The following JAK1 variants were observed in gnomAD, a reference collection of about 807,000 sequenced individuals.
JAK1 encodes the protein tyrosine-protein kinase JAK1.
JAK1 carries 16 observed loss-of-function variants against 136.6 expected under a neutral mutation model. The ratio of observed to expected loss-of-function variants is 0.12; its 90% confidence interval spans 0.08 to 0.18. The LOEUF is 0.18. JAK1 is among the 10% of genes least tolerant of loss of function. The probability of loss-of-function intolerance (pLI) is 1.00; values close to 1 mark genes in which losing one functional copy is unlikely to be tolerated. For synonymous variants in JAK1, 492 were observed against 519.5 expected (o/e 0.95, Z 0.72); for missense variants, 859 against 1,450.1 (o/e 0.59, Z 6.62).
At chr1:64,939,108 T>C (rs1437109182) in intron 1 of JAK1, among the ~76,000 whole-genome samples, 1 of 152,238 alleles carries the variant, frequency 6.6e-6, no homozygotes, top group Non-Finnish European at 1.5e-5. Context: ...TTGGAGCAAC[T>C]GTTTGGAGAA....
intron 2 of JAK1, chr1:64,985,670 G>A (rs574241350): frequency 4.0e-5 from 29 of 723,310 alleles, no homozygotes; most frequent in Admixed American, 1.2e-4. Flanking sequence ...AGATGTCTCC[G>A]ATGTACGTGG....
chr1:65,058,899 C>T (rs7536540), intron 1 of JAK1, among the ~76,000 whole-genome samples: 2 of 151,900 alleles, frequency 1.3e-5, no homozygotes, highest in African/African-American at 2.4e-5. Context: ...GGAACTACTA[C>T]GTTCTAAAGC....
chr1:64,982,083 AACACACACACACACAC>A (rs5774736), intron 2 of JAK1, among the ~76,000 whole-genome samples: 1 of 150,434 alleles, frequency 6.6e-6, no homozygotes, highest in Non-Finnish European at 1.5e-5. Context: ...TAAGTTAAAT[AACACACACACACACAC>A]ACGCACACAC....
chr1:65,056,672 T>G (rs1647554810), intron 1 of JAK1, among the ~76,000 whole-genome samples: 1 of 152,048 alleles, frequency 6.6e-6, no homozygotes, highest in Non-Finnish European at 1.5e-5. Context: ...GCCTGTAATC[T>G]CAGCACTTTG....
At chr1:64,852,550 A>T (rs1460226281) in intron 11 of JAK1, among the ~76,000 whole-genome samples, 1 of 152,138 alleles carries the variant, frequency 6.6e-6, no homozygotes, top group Non-Finnish European at 1.5e-5. Context: ...AGGCATCAAG[A>T]AGGGGCCCCG....
intron 1 of JAK1, among the ~76,000 whole-genome samples, chr1:64,901,992 G>GT (rs1464875799): frequency 6.6e-6 from 1 of 151,988 alleles, no homozygotes; most frequent in Non-Finnish European, 1.5e-5. Flanking sequence ...GGGCATTTAC[G>GT]TTTTTTTAAA....
chr1:65,056,168 A>T (rs901738234), intron 1 of JAK1, among the ~76,000 whole-genome samples: 1 of 152,254 alleles, frequency 6.6e-6, no homozygotes, highest in Non-Finnish European at 1.5e-5. Flanking sequence ...AGAAAACTCC[A>T]AAGAATTTCA....
chr1:65,025,819 A>G (rs886802985), intron 2 of JAK1, among the ~76,000 whole-genome samples: 2 of 152,154 alleles, frequency 1.3e-5, no homozygotes, highest in African/African-American at 4.8e-5. Flanking sequence ...CTGTGACTAT[A>G]GGTGCATACC....
At chr1:65,035,333 T>G (rs1647063693) in intron 2 of JAK1, among the ~76,000 whole-genome samples, 1 of 152,192 alleles carries the variant, frequency 6.6e-6, no homozygotes, top group Non-Finnish European at 1.5e-5. Context: ...CAGAGAATTC[T>G]TCTCTTCCTT....
intron 2 of JAK1, among the ~76,000 whole-genome samples, chr1:65,016,168 G>A (rs554298251): frequency 9.2e-5 from 14 of 152,268 alleles, no homozygotes; most frequent in South Asian, 2.1e-4. Flanking sequence ...TAAACTAGAC[G>A]CAAGTTTGTC....
At position 64,878,559 on chromosome 1, in the gene JAK1, GTGTATATATATATA is replaced by G. The variant is rs1411608018; in HGVS notation, c.329+452_329+465del. ...ATATCATGACCTTTATATATATAGTGTGTATATATATATATATATATATATATATATATATATAT... is the reference window on the plus strand; with the variant it reads ...ATATCATGACCTTTATATATATAGTGTATATATATATATATATATATATAT... On this transcript the variant is annotated intron_variant, in intron 4 of 24. Coordinates refer to ENST00000342505, the MANE Select transcript of JAK1 (RefSeq NM_002227.4). Among the ~76,000 whole-genome samples, 361 of 79,244 alleles carry G rather than the reference GTGTATATATATATA, an allele frequency of 4.6e-3. 1 individual carries two copies. The highest frequency in any genetic ancestry group is 8.9e-3 in the African/African-American group (191 of 21,458). 52.0% of individuals were successfully genotyped at this position (79,244 alleles called of 152,430 possible). A position where few individuals can be genotyped will look rare whatever the true frequency, so the allele number is the denominator to read the frequency against.
chr1:64,929,153 C>G (rs896512349), intron 1 of JAK1, among the ~76,000 whole-genome samples: 1 of 152,188 alleles, frequency 6.6e-6, no homozygotes, highest in African/African-American at 2.4e-5. Flanking sequence ...AAATCTCAGG[C>G]ACATCTGCTG....
chr1:65,066,381 A>G (rs1648042910), intron 1 of JAK1, among the ~76,000 whole-genome samples: 1 of 152,174 alleles, frequency 6.6e-6, no homozygotes, highest in Non-Finnish European at 1.5e-5. Context: ...TCTCATGCCT[A>G]TATTAAAAAA....
At chr1:64,886,636 G>A (rs571221349) in intron 1 of JAK1, among the ~76,000 whole-genome samples, 8 of 151,998 alleles carry the variant, frequency 5.3e-5, no homozygotes, top group Non-Finnish European at 1.2e-4. Flanking sequence ...TGAAGATTGT[G>A]TGCTTTTTCC....
intron 2 of JAK1, among the ~76,000 whole-genome samples, chr1:65,014,317 A>G (rs1646874501): frequency 6.6e-6 from 1 of 152,012 alleles, no homozygotes; most frequent in Non-Finnish European, 1.5e-5. Context: ...AGGCCAAACA[A>G]ATCCCAGGAA....
chr1:65,049,486 T>C (rs1647227150), intron 1 of JAK1, among the ~76,000 whole-genome samples: 1 of 152,036 alleles, frequency 6.6e-6, no homozygotes, highest in Admixed American at 6.6e-5. Context: ...AAAAACTCAC[T>C]TCTTCACGAA....
At chr1:65,035,501 G>A (rs1368202047) in intron 2 of JAK1, among the ~76,000 whole-genome samples, 4 of 152,160 alleles carry the variant, frequency 2.6e-5, no homozygotes, top group Non-Finnish European at 5.9e-5. Context: ...ACTGGGAAAC[G>A]TTGAGCAAAT....
chr1:65,014,833 C>T (rs542754603), intron 2 of JAK1, among the ~76,000 whole-genome samples: 7 of 151,990 alleles, frequency 4.6e-5, no homozygotes, highest in South Asian at 2.1e-4. Context: ...TACAGGCGCC[C>T]GCCACCACGC....
Position 64,879,084 on chromosome 1 carries a change from A to G in JAK1, c.270T>C (p.Ala90=). ...CATCAACGGTGATGGTGCGATTTGGAGCATACCAGAGCTTGGTGTTCTCGT... is the reference window on the plus strand; with the variant it reads ...CATCAACGGTGATGGTGCGATTTGGGGCATACCAGAGCTTGGTGTTCTCGT... ...LYDENTKLWY[A]PNRTITVDDK... The change falls in exon 4 of 25, where the codon GCT becomes GCC. Residue 90 remains alanine, a synonymous_variant. Coordinates refer to ENST00000342505, the MANE Select transcript of JAK1 (RefSeq NM_002227.4). The G allele has an allele frequency of 6.2e-7, 1 of 1,613,978 alleles. No individual in the cohort carries two copies. The highest frequency in any genetic ancestry group is 8.5e-7 in the Non-Finnish European group (1 of 1,179,934).
Sources: gnomAD v4.1 joint callset for allele counts (sites outside exome capture counted in the v4.1 genomes callset) on GRCh38, gnomAD v4.1.1 for gene constraint, MANE v1.5 for transcripts, NCBI Gene and HGNC (gene_info 2026-07-23, HGNC 2026-07-21) for gene names.